Variants in APOBEC3F observed in about 807,000 individuals in gnomAD.
APOBEC3F encodes the protein apolipoprotein B mRNA editing enzyme catalytic subunit 3F.
Under a neutral mutation model 45.8 loss-of-function variants are expected in APOBEC3F, and 34 were observed. The observed-to-expected ratio is 0.74, with a 90% CI of 0.57 to 0.99. The LOEUF (loss-of-function observed/expected upper bound fraction) is 0.99, where lower values mean the gene tolerates loss of function less well. APOBEC3F is among the 50% of genes least tolerant of loss of function. The probability of loss-of-function intolerance (pLI) is 0.00; values close to 1 mark genes in which losing one functional copy is unlikely to be tolerated. For synonymous variants in APOBEC3F, 192 were observed against 174.4 expected, an observed-to-expected ratio of 1.10 and a Z score of -0.80; for missense variants, 459 against 474.1, an observed-to-expected ratio of 0.97 and a Z score of 0.30.
In APOBEC3F at chr22:39,052,190, C is replaced by T; in HGVS notation, c.840C>T (p.Cys280=). The change falls in exon 6 of 7, where the codon TGC becomes TGT. Residue 280 remains cysteine, a synonymous_variant. Transcript: ENST00000308521. ...EVTWYTSWSP[C]PECAGEVAEF... is the part of the protein sequence containing the mutation. ...CCTGGTACACATCTTGGAGCCCTTG[C>T]CCAGAGTGTGCAGGGGAGGTGGCCG... 5 of 1,614,166 alleles carry T rather than the reference C, an allele frequency of 3.1e-6. No homozygotes were observed. The highest frequency in any genetic ancestry group is 4.2e-6 in the Non-Finnish European group (5 of 1,180,020).
intron 2 of APOBEC3F, chr22:39,044,412 G>A (rs1480807662): frequency 7.3e-7 from 1 of 1,370,428 alleles, no homozygotes; most frequent in Admixed American, 3.3e-5. Flanking sequence ...AAACAGAAAT[G>A]TATGGGCTCG....
intron 2 of APOBEC3F, among the ~76,000 whole-genome samples, chr22:39,043,611 AT>A (rs1455047361): frequency 6.6e-6 from 1 of 151,538 alleles, no homozygotes; most frequent in East Asian, 1.9e-4. Flanking sequence ...CGCCGGCCTA[AT>A]TTTAATATTT....
rs1055576350 is a variant in APOBEC3F at position 39,043,960 on chromosome 22, G to A, written c.171+870G>A. The A allele has an allele frequency of 4.8e-4, 657 of 1,366,166 alleles. 1 individual carries two copies. The highest frequency in any genetic ancestry group is 9.6e-4 in the South Asian group (58 of 60,110). 84.6% of individuals were successfully genotyped at this position (1,366,166 alleles called of 1,614,324 possible). On this transcript the variant is annotated intron_variant, in intron 2 of 6. Transcript: ENST00000308521. Reference sequence around the variant, plus strand: ...GAACCGCTTGAACCCATGAGGCAGAGGTTGTAGTGAGCCGAGATTGCATCA... The same window carrying A: ...GAACCGCTTGAACCCATGAGGCAGAAGTTGTAGTGAGCCGAGATTGCATCA...
chr22:39,046,098 C>T (rs1927204714), intron 4 of APOBEC3F, among the ~76,000 whole-genome samples: 1 of 152,166 alleles, frequency 6.6e-6, no homozygotes, highest in African/African-American at 2.4e-5. Context: ...GCAGCTGCTC[C>T]TCTTGGCTGG....
In APOBEC3F at chr22:39,045,050, C is replaced by T. The variant is rs748397885; in HGVS notation, c.281C>T (p.Thr94Ile). Reference sequence around the variant, plus strand: ...CAGATCACCTGGTTTGTATCCTGGACCCCCTGCCCGGACTGTGTGGCGAAG... The same window carrying T: ...CAGATCACCTGGTTTGTATCCTGGATCCCCTGCCCGGACTGTGTGGCGAAG... ...CFQITWFVSWTPCPDCVAKLA... is the reference protein window; with the variant it reads ...CFQITWFVSWIPCPDCVAKLA... Residue 94 changes from threonine to isoleucine, a missense_variant, in exon 3 of 7, where the codon ACC (threonine) becomes ATC (isoleucine). Thr to Ile is a moderately conservative substitution (Grantham distance 89, BLOSUM62 -1). Coordinates refer to ENST00000308521, the MANE Select transcript of APOBEC3F (RefSeq NM_145298.6). 2 of 1,613,858 alleles carry T rather than the reference C, an allele frequency of 1.2e-6. No individual in the cohort carries two copies. Among genetic ancestry groups the T allele is most frequent in the Admixed American group, 1.7e-5 (1 of 59,962 alleles).
At chr22:39,043,533 C>T (rs1260510035) in intron 2 of APOBEC3F, among the ~76,000 whole-genome samples, 1 of 149,304 alleles carries the variant, frequency 6.7e-6, no homozygotes, top group South Asian at 2.1e-4. Context: ...TGGTCTCGAA[C>T]TTCTGACCTC....
chr22:39,048,721 C>A (rs541597660), intron 4 of APOBEC3F, among the ~76,000 whole-genome samples: 1 of 152,142 alleles, frequency 6.6e-6, no homozygotes, highest in African/African-American at 2.4e-5. Flanking sequence ...GCAGGAGAAT[C>A]GCTTGAAACC....
In APOBEC3F at chr22:39,042,939, A is replaced by G; in HGVS notation, c.20A>G (p.Asn7Ser). The G allele has an allele frequency of 6.2e-7, 1 of 1,613,774 alleles. No homozygotes were observed. The highest frequency in any genetic ancestry group is 1.1e-5 in the South Asian group (1 of 91,072). The part of the protein sequence containing the change: MKPHFR[N>S]TVERMYRDTF... ...TGGTTTCTCTCTTGTGTCTTCAGAA[A>G]CACAGTGGAGCGAATGTATCGAGAC... The change falls in exon 2 of 7, where the codon AAC (asparagine) becomes AGC (serine). Residue 7 changes from asparagine (N) to serine (S), a missense_variant and splice_region_variant. By Grantham distance (46) the Asn-to-Ser change is conservative (BLOSUM62 1). Transcript: ENST00000308521.
rs754926345 is a variant in APOBEC3F, at chr22:39,045,456, G to A, written c.480G>A (p.Val160=). 4 of 1,614,152 alleles carry A rather than the reference G, an allele frequency of 2.5e-6. No homozygotes were observed. Among genetic ancestry groups the A allele is most frequent in the Non-Finnish European group, 1.7e-6 (2 of 1,180,004 alleles). ...EEFAYCWENF[V]YSEGQPFMPW... ...TTGCATACTGCTGGGAAAACTTTGT[G>A]TACAGTGAAGGTCAGCCATTCATGC... Residue 160 remains valine (V), a synonymous_variant, in exon 4 of 7, where the codon GTG becomes GTA. Transcript: ENST00000308521.
At chr22:39,047,735 C>G (rs1402844916) in intron 4 of APOBEC3F, among the ~76,000 whole-genome samples, 1 of 152,078 alleles carries the variant, frequency 6.6e-6, no homozygotes, top group Non-Finnish European at 1.5e-5. Flanking sequence ...AGCCCAGGCC[C>G]CCTGCTGAGA....
At chr22:39,045,659 G>A in intron 4 of APOBEC3F, 117 bp downstream of exon 4, 18 of 1,541,894 alleles carry the variant, frequency 1.2e-5, no homozygotes, top group Non-Finnish European at 1.6e-5. Context: ...TGCCCTCATG[G>A]TTACACCCCT....
chr22:39,043,848 C>T (rs1474068079), intron 2 of APOBEC3F, among the ~76,000 whole-genome samples: 6 of 150,904 alleles, frequency 4.0e-5, no homozygotes, highest in Non-Finnish European at 5.9e-5. Context: ...GGTGAAATCC[C>T]GTCTCTACTA....
chr22:39,043,738 C>T (rs1044002118), intron 2 of APOBEC3F, among the ~76,000 whole-genome samples: 4 of 151,446 alleles, frequency 2.6e-5, no homozygotes, highest in East Asian at 2.0e-4. Context: ...GTGTAGGCCA[C>T]GCTTGGTGGG....
intron 2 of APOBEC3F, chr22:39,044,378 G>C: frequency 7.2e-7 from 1 of 1,385,840 alleles, no homozygotes; most frequent in Non-Finnish European, 9.3e-7. Flanking sequence ...TCAACAGCAG[G>C]ACTGAGATGG....
intron 5 of APOBEC3F, among the ~76,000 whole-genome samples, chr22:39,051,776 AC>A (rs113988471): frequency 0.015 from 2,346 of 151,828 alleles, 60 homozygotes; most frequent in African/African-American, 0.053. Context: ...ACATGGTGAA[AC>A]CCAGTCTCTA....
Position 39,055,363 on chromosome 22 carries a change from T to C in APOBEC3F, c.*2668T>C, listed in dbSNP as rs1927656866. On this transcript the variant is annotated 3_prime_UTR_variant, in exon 7 of 7. Transcript: ENST00000308521. ...CTGGGATTACAGATATAAGCCACCATACACAACTTTTTTTTTTTTTTGAGA... is the reference window on the plus strand; with the variant it reads ...CTGGGATTACAGATATAAGCCACCACACACAACTTTTTTTTTTTTTTGAGA... Among the ~76,000 whole-genome samples, 1 of 151,116 alleles carries C rather than the reference T, an allele frequency of 6.6e-6. No individual in the cohort carries two copies. The highest frequency in any genetic ancestry group is 2.1e-4 in the South Asian group (1 of 4,804).
rs1927611429 is a variant in APOBEC3F at position 39,053,946 on chromosome 22, C to G, written c.*1251C>G. On this transcript the variant is annotated 3_prime_UTR_variant, in exon 7 of 7. Transcript: ENST00000308521. ...TAATCGCAGCTATTCAGCAATGGAA[C>G]CTCCCAGTTCCCAACCCTTCCTAGT... 6.6e-6 allele frequency: 1 copy of G among 152,186 alleles called. No individual in the cohort carries two copies. Among genetic ancestry groups the G allele is most frequent in the Non-Finnish European group, 1.5e-5 (1 of 68,036 alleles). 9.4% of individuals were successfully genotyped at this position (152,186 alleles called of 1,614,324 possible). A position where few individuals can be genotyped will look rare whatever the true frequency, so the allele number is the denominator to read the frequency against.
chr22:39,046,725 T>C (rs970372609), intron 4 of APOBEC3F, among the ~76,000 whole-genome samples: 2 of 151,880 alleles, frequency 1.3e-5, no homozygotes, highest in African/African-American at 2.4e-5. Context: ...CTAGCAATTC[T>C]CTTGTCTCAG....
At chr22:39,049,267 C>A (rs1304876164) in intron 4 of APOBEC3F, among the ~76,000 whole-genome samples, 158 bp from the exon 5 acceptor site, 1 of 152,132 alleles carries the variant, frequency 6.6e-6, no homozygotes. Flanking sequence ...GGCCCTTCTG[C>A]CCCTGCCAGC....
Sources: gnomAD v4.1 joint callset for allele counts (sites outside exome capture counted in the v4.1 genomes callset) on GRCh38, gnomAD v4.1.1 for gene constraint, MANE v1.5 for transcripts, NCBI Gene and HGNC (gene_info 2026-07-23, HGNC 2026-07-21) for gene names.